PDE11A: variants seen among roughly 807,000 people sequenced by gnomAD.
PDE11A encodes the protein phosphodiesterase 11A.
Under a neutral mutation model 100.5 loss-of-function variants are expected in PDE11A, and 100 were observed. The ratio of observed to expected loss-of-function variants is 1.00; its 90% CI spans 0.85 to 1.18. PDE11A has a LOEUF of 1.18. PDE11A is among the 50% of genes most tolerant of loss of function. PDE11A has a pLI of 0.00. For synonymous variants in PDE11A, 381 were observed against 420.8 expected (o/e 0.91, Z 1.16); for missense variants, 1,141 against 1,152.6 (o/e 0.99, Z 0.15).
At chr2:177,960,186 C>T (rs979007458) in intron 2 of PDE11A, among the ~76,000 whole-genome samples, 45 of 151,720 alleles carry the variant, frequency 3.0e-4, no homozygotes, top group Non-Finnish European at 5.9e-4. Context: ...AAAGTGTCAC[C>T]AGAGAATGAT....
intron 16 of PDE11A, among the ~76,000 whole-genome samples, chr2:177,679,904 G>T (rs1332636255): frequency 6.6e-6 from 1 of 151,858 alleles, no homozygotes; most frequent in East Asian, 1.9e-4. Context: ...GAAAAATGAA[G>T]AAAAAGGCCT....
chr2:177,925,714 G>A (rs1029923701), intron 2 of PDE11A, among the ~76,000 whole-genome samples: 2 of 152,190 alleles, frequency 1.3e-5, no homozygotes, highest in Admixed American at 6.5e-5. Flanking sequence ...CAAGGCAGGC[G>A]TGGGTTGGGG....
chr2:177,725,176 G>T (rs2105444122), intron 12 of PDE11A, among the ~76,000 whole-genome samples: 1 of 152,232 alleles, frequency 6.6e-6, no homozygotes, highest in Admixed American at 6.5e-5. Flanking sequence ...CCAGAGATGA[G>T]AATTGATGAG....
chr2:177,689,302 G>A (rs542673717), intron 15 of PDE11A, among the ~76,000 whole-genome samples: 9 of 152,146 alleles, frequency 5.9e-5, no homozygotes, highest in East Asian at 3.9e-4. Flanking sequence ...GGCTAGTCTC[G>A]AACTCCTGAC....
At chr2:177,956,660 T>C (rs1478702979) in intron 2 of PDE11A, among the ~76,000 whole-genome samples, 1 of 152,168 alleles carries the variant, frequency 6.6e-6, no homozygotes, top group Non-Finnish European at 1.5e-5. Context: ...GGAACCAACC[T>C]AAATGTCCAA....
rs1456989236 is a variant in PDE11A at position 177,728,082 on chromosome 2, C to A, written c.1879G>T (p.Ala627Ser). ...CCCAGCTCCATGAACATCCGGAGAG[C>A]AGCTGTGATCATGGCATCAACGTCG... ...SLDVDAMITA[A>S]LRMFMELGMV... Residue 627 changes from alanine to serine, a missense_variant, in exon 11 of 20, where the codon GCT becomes TCT. Ala to Ser is a moderately conservative substitution (Grantham distance 99, BLOSUM62 1). Coordinates refer to ENST00000286063, the MANE Select transcript of PDE11A (RefSeq NM_016953.4). 1.2e-6 allele frequency: 2 copies of A among 1,612,388 alleles called. No homozygotes were observed. The highest frequency in any genetic ancestry group is 1.7e-6 in the Non-Finnish European group (2 of 1,178,692).
At chr2:178,017,699 G>A (rs766729677) in intron 1 of PDE11A, among the ~76,000 whole-genome samples, 2 of 152,110 alleles carry the variant, frequency 1.3e-5, no homozygotes, top group South Asian at 4.1e-4. Flanking sequence ...AGTGGATCAC[G>A]CCTGTAATCT....
intron 1 of PDE11A, chr2:178,018,432 C>G: frequency 3.9e-6 from 2 of 511,924 alleles, no homozygotes; most frequent in Non-Finnish European, 7.8e-6. Flanking sequence ...ATGGGGGCAT[C>G]TGGAAAGCTG....
At chr2:177,694,259 A>G (rs1179919949) in intron 15 of PDE11A, among the ~76,000 whole-genome samples, 3 of 152,176 alleles carry the variant, frequency 2.0e-5, no homozygotes, top group Non-Finnish European at 4.4e-5. Context: ...ATGGACTCTG[A>G]GTGTTGATAT....
chr2:178,103,863 T>G, intron 2 of PDE11A, among the ~76,000 whole-genome samples: 1 of 152,072 alleles, frequency 6.6e-6, no homozygotes, highest in East Asian at 1.9e-4. Flanking sequence ...ACCACTTCGA[T>G]CTTAACCCTA....
intron 19 of PDE11A, among the ~76,000 whole-genome samples, chr2:177,630,760 C>G (rs1369051843): frequency 2.0e-5 from 3 of 152,018 alleles, no homozygotes; most frequent in Non-Finnish European, 4.4e-5. Context: ...GCAAAAATCT[C>G]TATTATGTAT....
At chr2:177,689,858 C>T (rs2081016967) in intron 15 of PDE11A, among the ~76,000 whole-genome samples, 1 of 152,200 alleles carries the variant, frequency 6.6e-6, no homozygotes, top group Non-Finnish European at 1.5e-5. Flanking sequence ...TTCATTCAAA[C>T]CACAATCACC....
chr2:177,765,313 T>C (rs2082223644), intron 10 of PDE11A, among the ~76,000 whole-genome samples: 1 of 152,240 alleles, frequency 6.6e-6, no homozygotes, highest in Admixed American at 6.5e-5. Context: ...AAAGATTCAC[T>C]ACAGGTTTAT....
intron 2 of PDE11A, among the ~76,000 whole-genome samples, chr2:177,907,618 G>A (rs10221783): frequency 6.6e-6 from 1 of 152,048 alleles, no homozygotes; most frequent in Non-Finnish European, 1.5e-5. Context: ...TTCTGTACAC[G>A]TGGCAGAGAG....
chr2:177,934,094 T>C lies in PDE11A; in HGVS notation c.1072-28907A>G, dbSNP rs574930553. On this transcript the variant is annotated intron_variant, in intron 2 of 19. Coordinates refer to ENST00000286063, the MANE Select transcript of PDE11A (RefSeq NM_016953.4). ...TGGGAAAGAATTTATGACTAAGTTT[T>C]CAAAAGCAATTACAATAACAACAAC... 3.3e-4 allele frequency among the ~76,000 whole-genome samples: 50 copies of C among 152,210 alleles called. No homozygotes were observed. The South Asian group carries it at 8.5e-3, about 26-fold the overall frequency.
intron 5 of PDE11A, among the ~76,000 whole-genome samples, chr2:177,846,977 G>T (rs2105639167): frequency 6.6e-6 from 1 of 152,218 alleles, no homozygotes; most frequent in Non-Finnish European, 1.5e-5. Context: ...ACAGAGCATG[G>T]ACCTCATTAT....
chr2:178,072,876 G>A, upstream of PDE11A: 2 of 1,136,144 alleles, frequency 1.8e-6, no homozygotes, highest in Non-Finnish European at 2.2e-6. Flanking sequence ...AGCCGCGGAC[G>A]CCAGACCAGC....
chr2:178,072,487 C>T lies in PDE11A; in HGVS notation c.-50G>A, dbSNP rs764010972. Reference sequence around the variant, plus strand: ...GTTTACACGTGAACCAAATGTTTTCCTGCCCCGAGGCCTCTAGCTGTTCCT... The same window carrying T: ...GTTTACACGTGAACCAAATGTTTTCTTGCCCCGAGGCCTCTAGCTGTTCCT... On this transcript the variant is annotated 5_prime_UTR_variant, in exon 1 of 20. Coordinates refer to ENST00000286063, the MANE Select transcript of PDE11A (RefSeq NM_016953.4). 1.6e-5 allele frequency: 26 copies of T among 1,608,784 alleles called. No individual in the cohort carries two copies. The South Asian group carries it at 2.8e-4, about 17-fold the overall frequency.
chr2:177,802,004 T>C (rs76296049), intron 9 of PDE11A, among the ~76,000 whole-genome samples: 1 of 142,676 alleles, frequency 7.0e-6, no homozygotes, highest in Non-Finnish European at 1.5e-5. Flanking sequence ...TAAAGAACTC[T>C]TCCAGTCAAC....
Sources: allele counts gnomAD v4.1 joint callset (sites outside exome capture counted in the v4.1 genomes callset), GRCh38; gene constraint gnomAD v4.1.1; transcripts MANE v1.5; gene names NCBI Gene and HGNC (gene_info 2026-07-23, HGNC 2026-07-21).